FBXL14: variants seen among roughly 807,000 people sequenced by gnomAD.
FBXL14 encodes the protein F-box and leucine rich repeat protein 14, also known as F-box/LRR-repeat protein 14.
Under a neutral mutation model 24.5 loss-of-function variants are expected in FBXL14, and 11 were observed. The observed-to-expected ratio is 0.45, with a 90% CI of 0.28 to 0.74. The LOEUF is 0.74. FBXL14 is among the 30% of genes least tolerant of loss of function. The probability of loss-of-function intolerance (pLI) is 0.12; values close to 1 mark genes in which losing one functional copy is unlikely to be tolerated. For synonymous variants in FBXL14, 294 were observed against 240.4 expected (o/e 1.22, Z -2.06); for missense variants, 384 against 545.6 (o/e 0.70, Z 2.95).
chr12:1,587,639 A>G (rs1448249863), intron 1 of FBXL14: 2 of 152,196 alleles, frequency 1.3e-5, no homozygotes, highest in African/African-American at 2.4e-5. Flanking sequence ...TCTTGTTCCA[A>G]CTGTGCACTT....
At chr12:1,584,787 C>T (rs1032531284) in intron 1 of FBXL14, among the ~76,000 whole-genome samples, 2 of 152,184 alleles carry the variant, frequency 1.3e-5, no homozygotes, top group African/African-American at 2.4e-5. Context: ...TTGTCATTTT[C>T]GTGTTGTTTG....
At chr12:1,570,753 A>G (rs1237470279) in intron 1 of FBXL14, among the ~76,000 whole-genome samples, 1 of 152,110 alleles carries the variant, frequency 6.6e-6, no homozygotes, top group African/African-American at 2.4e-5. Flanking sequence ...CATACACTGA[A>G]TAGTCAATGA....
rs374907012 is a variant in FBXL14 at position 1,592,972 on chromosome 12, G to A, written c.1095C>T (p.Gly365=). Residue 365 remains glycine, a synonymous_variant, in exon 1 of 2, where the codon GGC becomes GGT. Coordinates refer to ENST00000339235, the MANE Select transcript of FBXL14 (RefSeq NM_152441.3). ...GGCCGCGCTTGGTGATTCGGGTGCAGCCGTACAGGTCTATGCCGGTGAGTT... is the reference window on the plus strand; with the variant it reads ...GGCCGCGCTTGGTGATTCGGGTGCAACCGTACAGGTCTATGCCGGTGAGTT... ...LSQLTGIDLY[G]CTRITKRGLE... 261 of 1,613,144 alleles carry A rather than the reference G, an allele frequency of 1.6e-4. No homozygotes were observed. Among genetic ancestry groups the A allele is most frequent in the Non-Finnish European group, 1.9e-4 (227 of 1,179,912 alleles).
chr12:1,566,672 CAG>C lies in FBXL14; in HGVS notation c.*74_*75del. 1 of 773,280 alleles carries C rather than the reference CAG, an allele frequency of 1.3e-6. No homozygotes were observed. The highest frequency in any genetic ancestry group is 1.4e-5 in the South Asian group (1 of 73,476). The allele number at this position is 773,280 out of a possible 1,614,324, so 47.9% of individuals were successfully genotyped here. ...GCAGGGAAACCTGAGCTGTCATCACCAGAGTGCCGGAGGCGCAGAGCGGGCAA... is the reference window on the plus strand; with the variant it reads ...GCAGGGAAACCTGAGCTGTCATCACCAGTGCCGGAGGCGCAGAGCGGGCAA... On this transcript the variant is annotated 3_prime_UTR_variant, in exon 2 of 2. Coordinates refer to ENST00000339235, the MANE Select transcript of FBXL14 (RefSeq NM_152441.3).
rs113537758 is a variant in FBXL14 at position 1,588,128 on chromosome 12, T to C, written c.1194+4745A>G. Among the ~76,000 whole-genome samples, 205 of 152,330 alleles carry C rather than the reference T, an allele frequency of 1.3e-3. 1 individual carries two copies. Among genetic ancestry groups the C allele is most frequent in the Non-Finnish European group, 2.1e-3 (145 of 68,012 alleles). On this transcript the variant is annotated intron_variant, in intron 1 of 1. Transcript: ENST00000339235. ...GAAGAGACAGTTGTCAGAAGCTGCA[T>C]GAGGTCTTGGTTTTGTTTTACAAAT...
In FBXL14 at chr12:1,592,987, G is replaced by C. The variant is rs755493945; in HGVS notation, c.1080C>G (p.Gly360=). ...LIAEHLSQLT[G]IDLYGCTRIT... ...TTCGGGTGCAGCCGTACAGGTCTAT[G>C]CCGGTGAGTTGGCTCAGGTGCTCAG... is the stretch of plus-strand genomic sequence containing the variant. The change falls in exon 1 of 2, where the codon GGC becomes GGG. Residue 360 remains glycine (G), a synonymous_variant. Transcript: ENST00000339235. The C allele has an allele frequency of 4.3e-6, 7 of 1,613,018 alleles. No individual in the cohort carries two copies. In the Admixed American group the frequency reaches 1.2e-4, roughly 27 times the overall value.
At chr12:1,589,397 C>CA (rs869295084) in intron 1 of FBXL14, among the ~76,000 whole-genome samples, 300 of 10,898 alleles carry the variant, frequency 0.028, 13 homozygotes, top group African/African-American at 0.053. Context: ...GACCTTGTCT[C>CA]AAAAAAAAAA....
Position 1,573,611 on chromosome 12 carries a change from C to G in FBXL14, c.1195-6801G>C, listed in dbSNP as rs1321545406. Among the ~76,000 whole-genome samples, 6 of 152,308 alleles carry G rather than the reference C, an allele frequency of 3.9e-5. No homozygotes were observed. The East Asian group carries it at 1.2e-3, about 29-fold the overall frequency. ...TAGCAATGGGAGGCTGCACAGTGTT[C>G]ATTCAAGCCAGGACTTAAAGGGTGA... On this transcript the variant is annotated intron_variant, in intron 1 of 1. Transcript: ENST00000339235.
rs961041054 is a variant in FBXL14, at chr12:1,572,570, A to G, written c.1195-5760T>C. Among the ~76,000 whole-genome samples, 5 of 152,196 alleles carry G rather than the reference A, an allele frequency of 3.3e-5. No homozygotes were observed. The East Asian group carries it at 5.8e-4, about 18-fold the overall frequency. ...CCCATTCCCAGAGAGGCCGTGGTCTATCATTGGAGAAATCGTGACTGCAGA... is the reference window on the plus strand; with the variant it reads ...CCCATTCCCAGAGAGGCCGTGGTCTGTCATTGGAGAAATCGTGACTGCAGA... On this transcript the variant is annotated intron_variant, in intron 1 of 1. Coordinates refer to ENST00000339235, the MANE Select transcript of FBXL14 (RefSeq NM_152441.3).
chr12:1,577,859 G>A (rs753788411), intron 1 of FBXL14, among the ~76,000 whole-genome samples: 14 of 152,232 alleles, frequency 9.2e-5, no homozygotes, highest in Non-Finnish European at 1.8e-4. Flanking sequence ...ACATATTTGA[G>A]TAGGAGTTCA....
chr12:1,594,735 CCGGAGCGCGG>C (rs2094498260), upstream of FBXL14, among the ~76,000 whole-genome samples: 1 of 149,914 alleles, frequency 6.7e-6, no homozygotes, highest in Admixed American at 6.6e-5. Flanking sequence ...GGCCGTCCGG[CCGGAGCGCGG>C]CTCGGCGCAG....
At chr12:1,587,968 G>A (rs2094480365) in intron 1 of FBXL14, among the ~76,000 whole-genome samples, 1 of 152,186 alleles carries the variant, frequency 6.6e-6, no homozygotes, top group Admixed American at 6.5e-5. Flanking sequence ...ACTTTTAAAA[G>A]GGGTGATGTT....
chr12:1,576,130 A>G (rs1333504150), intron 1 of FBXL14, among the ~76,000 whole-genome samples: 3 of 152,156 alleles, frequency 2.0e-5, no homozygotes, highest in African/African-American at 7.2e-5. Flanking sequence ...AAACAAAATT[A>G]CTGCAGATGA....
At chr12:1,592,827 G>A in intron 1 of FBXL14, 46 bp downstream of exon 1, 1 of 1,492,370 alleles carries the variant, frequency 6.7e-7, no homozygotes, top group Non-Finnish European at 9.0e-7. Flanking sequence ...ATGGGAGGAT[G>A]AACAGGGCGG....
intron 1 of FBXL14, among the ~76,000 whole-genome samples, chr12:1,572,631 G>T (rs145364040): frequency 6.2e-4 from 12 of 19,404 alleles, no homozygotes; most frequent in Non-Finnish European, 1.4e-3. Flanking sequence ...TCGGGGAAGC[G>T]GGGGGGCAGT....
chr12:1,586,178 TG>T (rs1343975987), intron 1 of FBXL14, among the ~76,000 whole-genome samples: 1 of 148,922 alleles, frequency 6.7e-6, no homozygotes, highest in African/African-American at 2.5e-5. Flanking sequence ...TTTTAGCATT[TG>T]GGGTTTTTTT....
intron 1 of FBXL14, among the ~76,000 whole-genome samples, chr12:1,592,523 C>A (rs2094492822): frequency 6.6e-6 from 1 of 152,202 alleles, no homozygotes; most frequent in Non-Finnish European, 1.5e-5. Context: ...AGACCAGTCA[C>A]TCCCCACCCC....
chr12:1,577,690 T>A (rs1397993558), intron 1 of FBXL14, among the ~76,000 whole-genome samples: 1 of 152,166 alleles, frequency 6.6e-6, no homozygotes, highest in Non-Finnish European at 1.5e-5. Flanking sequence ...CTAGCTCACC[T>A]TAGGAGTGCA....
rs1240680748 is a variant in FBXL14 at position 1,569,336 on chromosome 12, C to T, written c.1195-2526G>A. On this transcript the variant is annotated intron_variant, in intron 1 of 1. Coordinates refer to ENST00000339235, the MANE Select transcript of FBXL14 (RefSeq NM_152441.3). The surrounding 1 kb of genome is among the most constrained non-coding windows in gnomAD (Gnocchi z 4.2). ...CCCTCTCCTTTTCACCAGGCTTCTC[C>T]TCTTCCTTCTTCCCTCTTCAACCCC... is the stretch of plus-strand genomic sequence containing the variant. Among the ~76,000 whole-genome samples, 1 of 151,880 alleles carries T rather than the reference C, an allele frequency of 6.6e-6. No individual in the cohort carries two copies. Among genetic ancestry groups the T allele is most frequent in the Non-Finnish European group, 1.5e-5 (1 of 67,982 alleles).
Sources: allele counts gnomAD v4.1 joint callset (sites outside exome capture counted in the v4.1 genomes callset), GRCh38; gene constraint gnomAD v4.1.1; non-coding constraint Gnocchi (gnomAD v3.1); transcripts MANE v1.5; gene names NCBI Gene and HGNC (gene_info 2026-07-23, HGNC 2026-07-21).